The following ARPP21 variants were observed in gnomAD, a reference collection of about 807,000 sequenced individuals.
ARPP21 encodes cAMP-regulated phosphoprotein 21.
A neutral mutation model predicts 113.2 loss-of-function variants in ARPP21; 69 were observed. That is an observed-to-expected ratio of 0.61 (90% CI 0.50 to 0.74). ARPP21 has a LOEUF of 0.74. Ranked by LOEUF, ARPP21 falls within the 30% of genes least tolerant of loss-of-function variation. ARPP21 has a pLI of 0.00. For synonymous variants in ARPP21, 368 were observed against 375.5 expected, an observed-to-expected ratio of 0.98 and a Z score of 0.23; for missense variants, 1,070 against 1,037.4, an observed-to-expected ratio of 1.03 and a Z score of -0.43.
chr3:35,671,471 T>C (rs969667273), intron 1 of ARPP21, among the ~76,000 whole-genome samples: 3 of 152,166 alleles, frequency 2.0e-5, no homozygotes, highest in Admixed American at 2.0e-4. Flanking sequence ...CCCTTTTTTG[T>C]TTTCATGACT....
intron 11 of ARPP21, 170 bp from the exon 12 acceptor site, chr3:35,715,269 C>T: frequency 1.7e-6 from 1 of 592,762 alleles, no homozygotes; most frequent in Non-Finnish European, 3.0e-6. Context: ...GAATTGTTTA[C>T]TTTTCTAATC....
At chr3:35,697,620 T>A (rs2084573436) in intron 9 of ARPP21, among the ~76,000 whole-genome samples, 1 of 151,610 alleles carries the variant, frequency 6.6e-6, no homozygotes, top group Non-Finnish European at 1.5e-5. Flanking sequence ...AGGAGGATCA[T>A]GGGACTTTCC....
intron 19 of ARPP21, among the ~76,000 whole-genome samples, chr3:35,758,667 C>T (rs182506725): frequency 1.3e-3 from 202 of 152,168 alleles, no homozygotes; most frequent in African/African-American, 4.6e-3. Flanking sequence ...ACAGAAACTA[C>T]GCTTTTGACA....
chr3:35,689,419 G>A, intron 7 of ARPP21, 34 bp downstream of exon 7: 3 of 1,022,034 alleles, frequency 2.9e-6, no homozygotes, highest in South Asian at 2.5e-5. Flanking sequence ...ATTTTTAGAA[G>A]GATCAAATAG....
chr3:35,787,393 T>C (rs1339561220), intron 19 of ARPP21, among the ~76,000 whole-genome samples: 1 of 152,208 alleles, frequency 6.6e-6, no homozygotes, highest in Non-Finnish European at 1.5e-5. Context: ...CCAGAATAAA[T>C]ATAGTCTCTT....
intron 19 of ARPP21, among the ~76,000 whole-genome samples, chr3:35,765,845 T>C (rs2095952915): frequency 6.6e-6 from 1 of 152,162 alleles, no homozygotes; most frequent in South Asian, 2.1e-4. Context: ...TTTATATCTG[T>C]GTGACCTTAA....
chr3:35,679,821 A>G lies in ARPP21; in HGVS notation c.-178A>G, dbSNP rs996850682. ...GTGTCACACTGTGTAAGGGAATCGC[A>G]TGGAGATGGGCATTCCGAACTGTTA... On this transcript the variant is annotated 5_prime_UTR_variant, in exon 2 of 21. An upstream start codon of the reference 5' UTR is lost. Coordinates refer to ENST00000684406, the MANE Select transcript of ARPP21 (RefSeq NM_001385562.1). The G allele has an allele frequency of 2.6e-5, 4 of 152,222 alleles. No individual in the cohort carries two copies. The highest frequency in any genetic ancestry group is 5.9e-5 in the Non-Finnish European group (4 of 67,874). The allele number at this position is 152,222 out of a possible 1,614,324, so 9.4% of individuals were successfully genotyped here.
At chr3:35,685,004 CTTATA>C (rs1302249199) in intron 5 of ARPP21, 2 of 983,992 alleles carry the variant, frequency 2.0e-6, no homozygotes, top group Non-Finnish European at 2.4e-6. Context: ...AATATCACGG[CTTATA>C]TTATTAAATG....
At chr3:35,671,701 G>A (rs894185440) in intron 1 of ARPP21, among the ~76,000 whole-genome samples, 3 of 151,952 alleles carry the variant, frequency 2.0e-5, no homozygotes, top group African/African-American at 4.8e-5. Flanking sequence ...ATGACAGTTC[G>A]ATGAGGACCC....
intron 19 of ARPP21, among the ~76,000 whole-genome samples, chr3:35,758,266 T>C (rs906336988): frequency 6.6e-6 from 1 of 151,838 alleles, no homozygotes; most frequent in African/African-American, 2.4e-5. Context: ...TCCTCATCAA[T>C]AAAGAAGCAT....
chr3:35,772,282 G>A (rs1335396810), intron 19 of ARPP21, among the ~76,000 whole-genome samples: 2 of 152,296 alleles, frequency 1.3e-5, no homozygotes, highest in South Asian at 2.1e-4. Flanking sequence ...AAAAAATTGT[G>A]TCATAATAAT....
intron 4 of ARPP21, among the ~76,000 whole-genome samples, 190 bp from the exon 5 acceptor site, chr3:35,683,536 A>C (rs151090252): frequency 2.0e-5 from 3 of 151,686 alleles, no homozygotes; most frequent in African/African-American, 4.8e-5. Context: ...CTTTACTTCT[A>C]TCCCCATCAA....
intron 9 of ARPP21, among the ~76,000 whole-genome samples, chr3:35,693,442 G>A (rs1436343746): frequency 6.6e-6 from 1 of 151,526 alleles, no homozygotes; most frequent in Non-Finnish European, 1.5e-5. Flanking sequence ...TCTTGAGGTG[G>A]GGGTGGATAA....
chr3:35,769,289 A>G (rs1004070267), intron 19 of ARPP21, among the ~76,000 whole-genome samples: 14 of 152,142 alleles, frequency 9.2e-5, no homozygotes, highest in Non-Finnish European at 1.2e-4. Flanking sequence ...GGGTATCATA[A>G]TAACCCTTTT....
At chr3:35,682,478 A>G in intron 3 of ARPP21, 1 of 189,240 alleles carries the variant, frequency 5.3e-6, no homozygotes, top group East Asian at 1.3e-4. Context: ...GCACTTACAA[A>G]TAGCTTGTAA....
intron 1 of ARPP21, among the ~76,000 whole-genome samples, chr3:35,673,958 C>T (rs1386258740): frequency 6.6e-6 from 1 of 151,806 alleles, no homozygotes; most frequent in African/African-American, 2.4e-5. Flanking sequence ...TTTTTGAACC[C>T]TTTAAACCAG....
intron 5 of ARPP21, chr3:35,685,420 A>T: frequency 1.0e-6 from 1 of 985,192 alleles, no homozygotes; most frequent in South Asian, 4.7e-5. Context: ...CCAGACACAC[A>T]TATAAGCAAG....
At chr3:35,793,530 A>G (rs909211521) in intron 20 of ARPP21, among the ~76,000 whole-genome samples, 171 bp from the exon 21 acceptor site, 3 of 152,208 alleles carry the variant, frequency 2.0e-5, no homozygotes, top group African/African-American at 7.2e-5. Flanking sequence ...AGGGAATTAG[A>G]GAGGTTAAGT....
At chr3:35,682,195 G>C (rs1348772329) in intron 3 of ARPP21, among the ~76,000 whole-genome samples, 1 of 151,814 alleles carries the variant, frequency 6.6e-6, no homozygotes, top group Non-Finnish European at 1.5e-5. Context: ...TAGACTAGCT[G>C]AGTTTTAAAA....
Sources: gnomAD v4.1 joint callset for allele counts (sites outside exome capture counted in the v4.1 genomes callset) on GRCh38, gnomAD v4.1.1 for gene constraint, MANE v1.5 for transcripts, NCBI Gene and HGNC (gene_info 2026-07-23, HGNC 2026-07-21) for gene names.